FLG: variants seen among roughly 807,000 people sequenced by gnomAD.
The protein encoded by FLG is filaggrin.
In FLG, 6 loss-of-function variants were observed where a neutral mutation model predicts 3.8. The observed-to-expected ratio is 1.60, with a 90% CI of 0.87 to 3.15. FLG has a LOEUF of 3.15. Among genes scored for constraint, FLG ranks in the 30% most tolerant of loss-of-function variants. The pLI is 0.00. For missense variants in FLG, 7,595 were observed against 5,050.9 expected, an observed-to-expected ratio of 1.50 and a Z score of -15.27; for synonymous variants, 2,551 against 1,931.6, an observed-to-expected ratio of 1.32 and a Z score of -8.41.
chr1:152,310,613 C>G lies in FLG; in HGVS notation c.4273G>C (p.Glu1425Gln), dbSNP rs1274759123. 1.2e-6 allele frequency: 2 copies of G among 1,614,006 alleles called. No homozygotes were observed. The highest frequency in any genetic ancestry group is 8.5e-7 in the Non-Finnish European group (1 of 1,179,994). Residue 1425 changes from glutamate to glutamine, a missense_variant, in exon 3 of 3, where the codon GAG (glutamate) becomes CAG (glutamine). Transcript: ENST00000368799. ...QAGPHQQSHK[E>Q]SARGQSGESS... is the part of the protein sequence containing the mutation. ...TCCCCTGACTGGCCACGTGCGGACT[C>G]TTTGTGGCTCTGCTGATGGGGCCCA...
rs151104921 is a variant in FLG, at chr1:152,308,073, A to G, written c.6813T>C (p.Ala2271=). The change falls in exon 3 of 3, where the codon GCT becomes GCC. Residue 2271 remains alanine, a synonymous_variant. Transcript: ENST00000368799. ...GSASRNHHGS[A]QEQSRDGSRH... ...TGGAGCCATCTCTTGACTGCTCCTG[A>G]GCAGATCCATGATGGTTTCTGGACG... is the stretch of plus-strand genomic sequence containing the variant. 4 of 1,613,724 alleles carry G rather than the reference A, an allele frequency of 2.5e-6. No homozygotes were observed. The highest frequency in any genetic ancestry group is 3.4e-6 in the Non-Finnish European group (4 of 1,179,964).
Position 152,313,495 on chromosome 1 carries a change from C to T in FLG, c.1391G>A (p.Arg464His), listed in dbSNP as rs775680050. ...TRGRSGERSG[R>H]SGSSLYQVST... ...CACCTGGTAGAGGGAAGACCCTGAA[C>T]GTCCAGACCGTTCCCCTGACCGGCC... is the stretch of plus-strand genomic sequence containing the variant. Residue 464 changes from arginine to histidine, a missense_variant, in exon 3 of 3, where the codon CGT becomes CAT. Coordinates refer to ENST00000368799, the MANE Select transcript of FLG (RefSeq NM_002016.2). 2.2e-5 allele frequency: 36 copies of T among 1,613,808 alleles called. No homozygotes were observed. The East Asian group carries it at 2.9e-4, about 13-fold the overall frequency.
In FLG at chr1:152,306,268, G is replaced by C. The variant is rs751857781; in HGVS notation, c.8618C>G (p.Ala2873Gly). The C allele has an allele frequency of 1.9e-6, 3 of 1,604,884 alleles. No homozygotes were observed. The highest frequency in any genetic ancestry group is 2.2e-5 in the South Asian group (2 of 91,090). ...THADISRHSQAVQGQSEGSRR... is the reference protein window; with the variant it reads ...THADISRHSQGVQGQSEGSRR... Reference sequence around the variant, plus strand: ...GGACCCCTCTGATTGTCCCTGGACTGCCTGTGAGTGTCTAGAGATGTCGGC... The same window carrying C: ...GGACCCCTCTGATTGTCCCTGGACTCCCTGTGAGTGTCTAGAGATGTCGGC... The change falls in exon 3 of 3, where the codon GCA (alanine) becomes GGA (glycine). Residue 2873 changes from alanine to glycine, a missense_variant. Transcript: ENST00000368799.
At position 152,310,004 on chromosome 1, in the gene FLG, G is replaced by C. The variant is rs769913812; in HGVS notation, c.4882C>G (p.His1628Asp). 34 of 1,613,804 alleles carry C rather than the reference G, an allele frequency of 2.1e-5. No homozygotes were observed. The highest frequency in any genetic ancestry group is 8.3e-5 in the Admixed American group (5 of 59,992). Reference sequence around the variant, plus strand: ...TGGGACCTGGGGTTCCTGGAGCCATGTCTTGACTGCTCCCGAGCAGATCCA... The same window carrying C: ...TGGGACCTGGGGTTCCTGGAGCCATCTCTTGACTGCTCCCGAGCAGATCCA... Reference protein sequence around the residue: ...HYGSAREQSRHGSRNPRSHQE... With the variant: ...HYGSAREQSRDGSRNPRSHQE... Residue 1628 changes from histidine (H) to aspartate (D), a missense_variant, in exon 3 of 3, where the codon CAT (histidine) becomes GAT (aspartate). Coordinates refer to ENST00000368799, the MANE Select transcript of FLG (RefSeq NM_002016.2).
rs373298031 is a variant in FLG at position 152,313,409 on chromosome 1, G to A, written c.1477C>T (p.Gln493Ter). ...CGTGCCTGCTCGTGGTGCGATCCTT[G>A]TCTTCCTCCAGTGCTGGTCCCGGTC... Reference protein sequence around the residue: ...GRTGTSTGGRQGSHHEQARDS... With the variant: ...GRTGTSTGGR Residue 493 changes from glutamine (Q) to a stop codon, truncating the protein, a stop_gained, in exon 3 of 3, where the codon CAA becomes TAA. Transcript: ENST00000368799. LOFTEE classifies it low-confidence loss of function (END_TRUNC). The A allele has an allele frequency of 1.9e-5, 30 of 1,613,678 alleles. No homozygotes were observed. Among genetic ancestry groups the A allele is most frequent in the Non-Finnish European group, 2.5e-5 (29 of 1,179,948 alleles).
chr1:152,314,497 C>G lies in FLG; in HGVS notation c.389G>C (p.Arg130Thr), dbSNP rs772107622. Reference sequence around the variant, plus strand: ...CTTATTCCCTTTTCTATTGTTTCTTCTTTCCAGACTTGAGGGTCTTTTTCT... The same window carrying G: ...CTTATTCCCTTTTCTATTGTTTCTTGTTTCCAGACTTGAGGGTCTTTTTCT... The part of the protein sequence containing the change: ...ENRKRPSSLE[R>T]RNNRKGNKGR... Residue 130 changes from arginine to threonine, a missense_variant, in exon 3 of 3, where the codon AGA becomes ACA. Physicochemically the swap from Arg to Thr is moderately conservative, Grantham distance 71. Coordinates refer to ENST00000368799, the MANE Select transcript of FLG (RefSeq NM_002016.2). The G allele has an allele frequency of 4.3e-6, 7 of 1,613,224 alleles. No individual in the cohort carries two copies. Among genetic ancestry groups the G allele is most frequent in the Non-Finnish European group, 5.9e-6 (7 of 1,179,764 alleles).
Position 152,312,099 on chromosome 1 carries a change from G to A in FLG, c.2787C>T (p.Gly929=). 1 of 1,614,050 alleles carries A rather than the reference G, an allele frequency of 6.2e-7. No individual in the cohort carries two copies. Among genetic ancestry groups the A allele is most frequent in the Non-Finnish European group, 8.5e-7 (1 of 1,180,002 alleles). ...TCCTGGACCCCTCTGATTGTCCCTG[G>A]CCTGCCTGTGAGTGTCTAGAGATGT... ...HADISRHSQA[G]QGQSEGSRTS... is the part of the protein sequence containing the mutation. The change falls in exon 3 of 3, where the codon GGC becomes GGT. Residue 929 remains glycine, a synonymous_variant. Transcript: ENST00000368799.
At position 152,319,482 on chromosome 1, in the gene FLG, C is replaced by T. The variant is rs1302433735; in HGVS notation, c.-21-4005G>A. 8.6e-5 allele frequency among the ~76,000 whole-genome samples: 13 copies of T among 150,878 alleles called. No individual in the cohort carries two copies. In the East Asian group the frequency reaches 1.2e-3, roughly 13 times the overall value. On this transcript the variant is annotated intron_variant, in intron 1 of 2. Transcript: ENST00000368799. ...AAGATATCAAGGTACAGGTTCAAAA[C>T]GATATTATAAACTCCAAGCAGGAGA...
intron 2 of FLG, 98 bp from the exon 3 acceptor site, chr1:152,314,845 A>AT: frequency 6.7e-7 from 1 of 1,482,850 alleles, no homozygotes; most frequent in Non-Finnish European, 9.2e-7. Context: ...ATCTTTGAGT[A>AT]TTAAAAAGTG....
chr1:152,318,006 T>C (rs1652843588), intron 1 of FLG, among the ~76,000 whole-genome samples: 1 of 151,990 alleles, frequency 6.6e-6, no homozygotes, highest in Admixed American at 6.6e-5. Flanking sequence ...TCCCTAAAAT[T>C]AGTCAGTTTT....
chr1:152,310,499 C>T lies in FLG; in HGVS notation c.4387G>A (p.Gly1463Arg), dbSNP rs1341902735. 6 of 1,613,848 alleles carry T rather than the reference C, an allele frequency of 3.7e-6. No homozygotes were observed. The highest frequency in any genetic ancestry group is 1.1e-5 in the South Asian group (1 of 91,064). ...TCATGGCGGGATCCTTGTCTTCCTC[C>T]AGTGCTGGGTGCAGTCTGTCCGTGT... ...STHGQTAPST[G>R]GRQGSRHEQA... The change falls in exon 3 of 3, where the codon GGA becomes AGA. Residue 1463 changes from glycine to arginine, a missense_variant. Transcript: ENST00000368799.
Position 152,315,395 on chromosome 1 carries a change from T to G in FLG, c.62A>C (p.Lys21Thr). 6.2e-7 allele frequency: 1 copy of G among 1,612,448 alleles called. No individual in the cohort carries two copies. The highest frequency in any genetic ancestry group is 8.5e-7 in the Non-Finnish European group (1 of 1,179,234). ...ACTCAATGTGTCAGTGTTTTTATCT[T>G]TTTTTGAATATTGCTTGAAAAGATT... is the stretch of plus-strand genomic sequence containing the variant. ...IINLFKQYSKKDKNTDTLSKK... is the reference protein window; with the variant it reads ...IINLFKQYSKTDKNTDTLSKK... Residue 21 changes from lysine to threonine, a missense_variant, in exon 2 of 3, where the codon AAA (lysine) becomes ACA (threonine). Transcript: ENST00000368799.
rs766561106 is a variant in FLG at position 152,311,690 on chromosome 1, A to G, written c.3196T>C (p.Ser1066Pro). The G allele has an allele frequency of 1.2e-6, 2 of 1,612,052 alleles. No homozygotes were observed. The highest frequency in any genetic ancestry group is 1.7e-6 in the Non-Finnish European group (2 of 1,179,598). ...CTATCACTGGCCTGACTACCACTGG[A>G]CCCCCAGTGTCCACTGTCTCTGACT... ...SAVRDSGHWG[S>P]SGSQASDSEG... The change falls in exon 3 of 3, where the codon TCC becomes CCC. Residue 1066 changes from serine (S) to proline (P), a missense_variant. Ser to Pro is a moderately conservative substitution (Grantham distance 74). Coordinates refer to ENST00000368799, the MANE Select transcript of FLG (RefSeq NM_002016.2).
chr1:152,307,726 C>T lies in FLG; in HGVS notation c.7160G>A (p.Gly2387Glu), dbSNP rs146237930. Residue 2387 changes from glycine to glutamate, a missense_variant, in exon 3 of 3, where the codon GGA becomes GAA. By Grantham distance (98) the Gly-to-Glu change is moderately conservative. Coordinates refer to ENST00000368799, the MANE Select transcript of FLG (RefSeq NM_002016.2). ...GCTCTGCTGATGGGGCCCAGCCTGT[C>T]CGTGGGCTGACACTGACTGTGTGTC... ...DSDTQSVSAHGQAGPHQQSHQ... is the reference protein window; with the variant it reads ...DSDTQSVSAHEQAGPHQQSHQ... The T allele has an allele frequency of 1.7e-3, 2,792 of 1,613,492 alleles. 50 individuals carry two copies. In the African/African-American group the frequency reaches 0.033, roughly 19 times the overall value.
At chr1:152,315,938 G>A (rs1467975454) in intron 1 of FLG, among the ~76,000 whole-genome samples, 1 of 152,210 alleles carries the variant, frequency 6.6e-6, no homozygotes, top group Non-Finnish European at 1.5e-5. Context: ...GATACTCAAT[G>A]AAAGTTCATT....
chr1:152,309,952 T>A lies in FLG; in HGVS notation c.4934A>T (p.His1645Leu). The A allele has an allele frequency of 1.9e-6, 3 of 1,614,030 alleles. No individual in the cohort carries two copies. The highest frequency in any genetic ancestry group is 2.5e-6 in the Non-Finnish European group (3 of 1,179,992). ...SHQEDRASHG[H>L]SAESSRQSGT... ...TGATTGTCTGGAGCTCTCTGCAGAG[T>A]GCCCATGACTGGCTCTATCTTCTTG... Residue 1645 changes from histidine (H) to leucine (L), a missense_variant, in exon 3 of 3, where the codon CAC becomes CTC. His to Leu is a moderately conservative substitution (Grantham distance 99). Transcript: ENST00000368799.
rs1652676462 is a variant in FLG, at chr1:152,314,187, A to G, written c.699T>C (p.Ile233=). The G allele has an allele frequency of 1.2e-6, 2 of 1,614,020 alleles. No individual in the cohort carries two copies. The highest frequency in any genetic ancestry group is 1.3e-5 in the African/African-American group (1 of 74,928). Residue 233 remains isoleucine (I), a synonymous_variant, in exon 3 of 3, where the codon ATT becomes ATC. Transcript: ENST00000368799. ...CATCCTGGATTGTGTAATATGTGGC[A>G]ATATGGCCTGATTGTATCCATTTTT... ...MTQKWIQSGH[I]ATYYTIQDEA... is the part of the protein sequence containing the mutation.
rs986554144 is a variant in FLG, at chr1:152,307,539, G to A, written c.7347C>T (p.Ser2449=). Residue 2449 remains serine (S), a synonymous_variant, in exon 3 of 3, where the codon AGC becomes AGT. Transcript: ENST00000368799. Reference sequence around the variant, plus strand: ...CCTCTTGGGACGTTGAGTGCCTGGAGCTGTCTCGTGCCTGCTTGTGGTGGG... The same window carrying A: ...CCTCTTGGGACGTTGAGTGCCTGGAACTGTCTCGTGCCTGCTTGTGGTGGG... ...QGSHHKQARD[S]SRHSTSQEGQ... 1.9e-5 allele frequency: 31 copies of A among 1,613,686 alleles called. No homozygotes were observed. The highest frequency in any genetic ancestry group is 2.6e-5 in the Non-Finnish European group (31 of 1,179,950).
Position 152,313,069 on chromosome 1 carries a change from C to T in FLG, c.1817G>A (p.Gly606Glu), listed in dbSNP as rs777496708. 2 of 1,613,958 alleles carry T rather than the reference C, an allele frequency of 1.2e-6. No individual in the cohort carries two copies. The highest frequency in any genetic ancestry group is 8.5e-7 in the Non-Finnish European group (1 of 1,179,998). ...ACTTGTCCTGGGCCCCGATGATTGT[C>T]CCTGGCCCACCTGTGAGTGTCTAGA... ...DSSRHSQVGQ[G>E]QSSGPRTSRN... The change falls in exon 3 of 3, where the codon GGA becomes GAA. Residue 606 changes from glycine (G) to glutamate (E), a missense_variant. By Grantham distance (98) the Gly-to-Glu change is moderately conservative. Transcript: ENST00000368799.
Sources: gnomAD v4.1 joint callset for allele counts (sites outside exome capture counted in the v4.1 genomes callset) on GRCh38, gnomAD v4.1.1 for gene constraint, MANE v1.5 for transcripts, NCBI Gene and HGNC (gene_info 2026-07-23, HGNC 2026-07-21) for gene names.